The following UBASH3A variants were observed in gnomAD, a reference collection of about 807,000 sequenced individuals.
UBASH3A encodes ubiquitin-associated and SH3 domain-containing protein A.
Under a neutral mutation model 73.5 loss-of-function variants are expected in UBASH3A, and 63 were observed. The observed-to-expected ratio is 0.86, with a 90% confidence interval of 0.70 to 1.06. The LOEUF (loss-of-function observed/expected upper bound fraction) is 1.06. Among genes scored for constraint, UBASH3A ranks in the 50% least tolerant of loss-of-function variants. The pLI is 0.00. For missense variants in UBASH3A, 860 were observed against 859.0 expected (o/e 1.00, Z -0.02); for synonymous variants, 363 against 351.1 (o/e 1.03, Z -0.38).
At chr21:42,428,447 C>A (rs894799947) in intron 8 of UBASH3A, among the ~76,000 whole-genome samples, 1 of 151,960 alleles carries the variant, frequency 6.6e-6, no homozygotes, top group Non-Finnish European at 1.5e-5. Flanking sequence ...CTTGGGAGAG[C>A]CGAGACTCCC....
At chr21:42,407,732 A>G (rs1014813802) in intron 2 of UBASH3A, among the ~76,000 whole-genome samples, 2 of 152,244 alleles carry the variant, frequency 1.3e-5, no homozygotes, top group Non-Finnish European at 2.9e-5. Context: ...TGCACAGCCC[A>G]CCAGCCTCCG....
At chr21:42,409,122 A>G (rs1055186496) in intron 2 of UBASH3A, among the ~76,000 whole-genome samples, 3 of 152,068 alleles carry the variant, frequency 2.0e-5, no homozygotes, top group Non-Finnish European at 4.4e-5. Flanking sequence ...TTGGAAGACC[A>G]GGTTTTAGGT....
At chr21:42,445,233 G>A (rs2053825003) in intron 14 of UBASH3A, among the ~76,000 whole-genome samples, 1 of 152,230 alleles carries the variant, frequency 6.6e-6, no homozygotes, top group Admixed American at 6.5e-5. Flanking sequence ...AATTGAGGCA[G>A]GCAAACTCAG....
chr21:42,422,082 T>C (rs1224312912), intron 7 of UBASH3A, among the ~76,000 whole-genome samples: 1 of 152,050 alleles, frequency 6.6e-6, no homozygotes, highest in African/African-American at 2.4e-5. Flanking sequence ...GTCCCTGGGC[T>C]CCCCCACTAA....
At chr21:42,415,671 C>G (rs1021871157) in intron 5 of UBASH3A, among the ~76,000 whole-genome samples, 1 of 152,198 alleles carries the variant, frequency 6.6e-6, no homozygotes, top group Non-Finnish European at 1.5e-5. Context: ...CGCTGCCGTC[C>G]TCCAGCAGAT....
In UBASH3A at chr21:42,416,596, C is replaced by A. The variant is rs2053215647; in HGVS notation, c.822C>A (p.Arg274=). The A allele has an allele frequency of 1.3e-6, 2 of 1,593,254 alleles. No homozygotes were observed. The highest frequency in any genetic ancestry group is 2.7e-5 in the African/African-American group (2 of 73,756). The change falls in exon 6 of 15, where the codon CGC becomes CGA. Residue 274 remains arginine, a synonymous_variant. Transcript: ENST00000319294. The part of the protein sequence containing the change: ...WTAALYSRDM[R]FVHYQTLRAL... ...CAGCACTCTACTCCCGAGACATGCG[C>A]TTTGTGCACTACCAGGTGAGAGAGC...
chr21:42,410,415 A>T, intron 3 of UBASH3A: 1 of 536,170 alleles, frequency 1.9e-6, no homozygotes, highest in Non-Finnish European at 3.3e-6. Flanking sequence ...GGAACCCTCC[A>T]TTCCAACACC....
intron 3 of UBASH3A, among the ~76,000 whole-genome samples, chr21:42,410,955 GGC>G (rs2053080614): frequency 9.3e-6 from 1 of 107,706 alleles, no homozygotes; most frequent in Admixed American, 1.0e-4. Context: ...ACGTACACAC[GGC>G]ACACACAGAT....
rs961587300 is a variant in UBASH3A, at chr21:42,409,969, G to A, written c.354+361G>A. On this transcript the variant is annotated intron_variant, in intron 3 of 14. Transcript: ENST00000319294. Reference sequence around the variant, plus strand: ...CCTCACCAGACCGAGTCCCTCAAGGGAAGGCAGATACCTCACTCATCTTTG... The same window carrying A: ...CCTCACCAGACCGAGTCCCTCAAGGAAAGGCAGATACCTCACTCATCTTTG... 3.9e-5 allele frequency: 26 copies of A among 661,624 alleles called. No individual in the cohort carries two copies. The Admixed American group carries it at 5.5e-4, about 14-fold the overall frequency. The allele number at this position is 661,624 out of a possible 1,614,324, so 41.0% of individuals were successfully genotyped here. A position where few individuals can be genotyped will look rare whatever the true frequency, so the allele number is the denominator to read the frequency against.
chr21:42,445,661 A>G (rs146991540), intron 14 of UBASH3A, among the ~76,000 whole-genome samples: 30 of 152,262 alleles, frequency 2.0e-4, no homozygotes, highest in African/African-American at 7.2e-4. Flanking sequence ...GGTCATTGTC[A>G]CTCAGCAATT....
At chr21:42,434,406 G>A (rs1265373833) in intron 9 of UBASH3A, among the ~76,000 whole-genome samples, 1 of 152,194 alleles carries the variant, frequency 6.6e-6, no homozygotes, top group African/African-American at 2.4e-5. Flanking sequence ...GGCATCTCCA[G>A]CTCAAGCACT....
At chr21:42,432,261 C>A in intron 9 of UBASH3A, 59 bp downstream of exon 9, 2 of 1,162,144 alleles carry the variant, frequency 1.7e-6, no homozygotes, top group South Asian at 1.3e-5. Context: ...CCAATGAGAT[C>A]TCCTTCTTAA....
At chr21:42,429,712 T>C (rs1371979245) in intron 8 of UBASH3A, among the ~76,000 whole-genome samples, 1 of 152,100 alleles carries the variant, frequency 6.6e-6, no homozygotes, top group Non-Finnish European at 1.5e-5. Flanking sequence ...ACACTTCACA[T>C]GCAAGAGAGC....
At chr21:42,434,135 G>C (rs1331753461) in intron 9 of UBASH3A, among the ~76,000 whole-genome samples, 1 of 152,088 alleles carries the variant, frequency 6.6e-6, no homozygotes, top group African/African-American at 2.4e-5. Context: ...CAGACTCTGG[G>C]CTATGGGTGT....
intron 6 of UBASH3A, among the ~76,000 whole-genome samples, chr21:42,418,119 T>G (rs1020223211): frequency 6.6e-6 from 1 of 152,090 alleles, no homozygotes; most frequent in African/African-American, 2.4e-5. Flanking sequence ...CCTGACCTTG[T>G]GATCCACCCA....
intron 11 of UBASH3A, among the ~76,000 whole-genome samples, chr21:42,441,508 G>A (rs2053742436): frequency 1.5e-5 from 2 of 129,380 alleles, no homozygotes; most frequent in East Asian, 2.5e-4. Context: ...CCTGGTTGAT[G>A]AAGGAGGACT....
intron 7 of UBASH3A, among the ~76,000 whole-genome samples, chr21:42,419,130 C>G (rs1573414): frequency 0.15 from 22,699 of 152,202 alleles, 2,486 homozygotes; most frequent in African/African-American, 0.3. Context: ...GGGCTCCCCA[C>G]TGAGGCTTCA....
At chr21:42,405,958 G>T (rs2146482975) in intron 1 of UBASH3A, among the ~76,000 whole-genome samples, 1 of 145,112 alleles carries the variant, frequency 6.9e-6, no homozygotes, top group East Asian at 2.1e-4. Flanking sequence ...ACGTTCCGCA[G>T]GGTGGGTCCA....
At chr21:42,412,082 G>A (rs563510204) in intron 3 of UBASH3A, among the ~76,000 whole-genome samples, 6 of 152,220 alleles carry the variant, frequency 3.9e-5, no homozygotes, top group Admixed American at 6.5e-5. Context: ...CCAGGAGGGT[G>A]TGGTGTCTGG....
Sources: gnomAD v4.1 joint callset for allele counts (sites outside exome capture counted in the v4.1 genomes callset) on GRCh38, gnomAD v4.1.1 for gene constraint, MANE v1.5 for transcripts, NCBI Gene and HGNC (gene_info 2026-07-23, HGNC 2026-07-21) for gene names.